The following RAD51B variants were observed in gnomAD, a reference collection of about 807,000 sequenced individuals.
RAD51B encodes DNA repair protein RAD51 homolog 2.
Under a neutral mutation model 42.2 loss-of-function variants are expected in RAD51B, and 38 were observed. The observed-to-expected ratio is 0.90, with a 90% CI of 0.70 to 1.18. The LOEUF (loss-of-function observed/expected upper bound fraction) is 1.18, where lower values mean the gene tolerates loss of function less well. Ranked by LOEUF, RAD51B falls within the 50% of genes most tolerant of loss-of-function variation. The pLI is 0.00. For synonymous variants in RAD51B, 154 were observed against 145.2 expected (o/e 1.06, Z -0.43); for missense variants, 373 against 400.7 (o/e 0.93, Z 0.59).
At chr14:68,040,704 A>T (rs2076204832) in intron 7 of RAD51B, among the ~76,000 whole-genome samples, 1 of 152,218 alleles carries the variant, frequency 6.6e-6, no homozygotes, top group Admixed American at 6.5e-5. Context: ...TGTCCAGGTC[A>T]TGAGGCAAGC....
intron 9 of RAD51B, among the ~76,000 whole-genome samples, chr14:68,452,230 A>G (rs1484931912): frequency 6.6e-6 from 1 of 152,188 alleles, no homozygotes; most frequent in African/African-American, 2.4e-5. Flanking sequence ...GAGAAAGGGA[A>G]TGGATTTCTG....
At chr14:68,113,877 A>G (rs894823746) in intron 7 of RAD51B, 1 of 152,038 alleles carries the variant, frequency 6.6e-6, no homozygotes, top group African/African-American at 2.4e-5. Context: ...GAATTTAGTA[A>G]CGTAGTTGAA....
At chr14:68,138,875 T>C (rs2078064715) in intron 7 of RAD51B, among the ~76,000 whole-genome samples, 1 of 152,180 alleles carries the variant, frequency 6.6e-6, no homozygotes, top group African/African-American at 2.4e-5. Context: ...TGAGAATGGT[T>C]CTTTTAGTAT....
intron 10 of RAD51B, among the ~76,000 whole-genome samples, chr14:68,648,018 T>TATATATATATATATATATATAC (rs1255738507): frequency 1.1e-5 from 1 of 91,218 alleles, no homozygotes; most frequent in African/African-American, 4.5e-5. Flanking sequence ...TATATATATA[T>TATATATATATATATATATATAC]ATACGTATAT....
intron 8 of RAD51B, among the ~76,000 whole-genome samples, chr14:68,364,147 C>G (rs572866385): frequency 4.0e-4 from 61 of 152,338 alleles, no homozygotes; most frequent in Non-Finnish European, 2.8e-4. Context: ...TCCCTGCTCT[C>G]CGATTGCCCC....
At chr14:68,594,629 A>G (rs1890912573) in exon 11 of RAD51B, 7 of 1,282,644 alleles carry the variant, frequency 5.5e-6, no homozygotes, top group Admixed American at 2.3e-5. Flanking sequence ...GGGTCTCATT[A>G]TGTTGCCCAA....
chr14:68,597,265 T>C (rs535879266), downstream of RAD51B, among the ~76,000 whole-genome samples: 1 of 152,188 alleles, frequency 6.6e-6, no homozygotes, highest in Non-Finnish European at 1.5e-5. Context: ...CCATACCCAG[T>C]GGGGAGTGGC....
At chr14:68,352,513 C>A (rs559847327) in intron 8 of RAD51B, among the ~76,000 whole-genome samples, 50 of 152,352 alleles carry the variant, frequency 3.3e-4, no homozygotes, top group African/African-American at 1.2e-3. Context: ...AAAAGAAACT[C>A]CTATTTTCCT....
chr14:67,875,362 C>T (rs1333758436), intron 5 of RAD51B, among the ~76,000 whole-genome samples: 1 of 152,164 alleles, frequency 6.6e-6, no homozygotes, highest in African/African-American at 2.4e-5. Context: ...CATGTCACCT[C>T]TCAGGGTGCC....
intron 9 of RAD51B, among the ~76,000 whole-genome samples, chr14:68,467,624 C>T (rs1438168444): frequency 6.6e-6 from 1 of 152,250 alleles, no homozygotes; most frequent in South Asian, 2.1e-4. Flanking sequence ...GTCATATGCC[C>T]AAACCCACAA....
At chr14:68,022,389 A>T (rs1484927227) in intron 7 of RAD51B, among the ~76,000 whole-genome samples, 1 of 152,164 alleles carries the variant, frequency 6.6e-6, no homozygotes, top group Non-Finnish European at 1.5e-5. Flanking sequence ...CCTGGTGATG[A>T]ACATATGAGT....
chr14:67,862,854 T>C (rs1178462643), intron 4 of RAD51B, among the ~76,000 whole-genome samples: 1 of 152,102 alleles, frequency 6.6e-6, no homozygotes, highest in African/African-American at 2.4e-5. Flanking sequence ...AAAATGATTT[T>C]TAATGTTTAT....
intron 7 of RAD51B, among the ~76,000 whole-genome samples, chr14:68,117,709 T>C (rs1566657986): frequency 1.3e-5 from 2 of 152,210 alleles, no homozygotes; most frequent in African/African-American, 4.8e-5. Context: ...ACTTACTGAG[T>C]GCCCAGAAAT....
chr14:67,827,365 A>G (rs896247620), intron 3 of RAD51B, among the ~76,000 whole-genome samples: 1 of 152,162 alleles, frequency 6.6e-6, no homozygotes, highest in Non-Finnish European at 1.5e-5. Context: ...ATCTTAATAC[A>G]ATTCCAAATA....
intron 9 of RAD51B, among the ~76,000 whole-genome samples, chr14:68,434,789 C>T (rs182608702): frequency 1.2e-4 from 19 of 152,266 alleles, no homozygotes; most frequent in African/African-American, 1.7e-4. Context: ...GAGATGAACC[C>T]GGTACCTGAG....
intron 7 of RAD51B, among the ~76,000 whole-genome samples, chr14:68,135,431 A>G (rs762145538): frequency 2.0e-5 from 3 of 152,096 alleles, no homozygotes; most frequent in East Asian, 1.9e-4. Flanking sequence ...TTGGCAGCCC[A>G]TTTGTTCATT....
intron 7 of RAD51B, among the ~76,000 whole-genome samples, chr14:68,152,744 T>C (rs2588824): frequency 0.8 from 120,240 of 150,830 alleles, 48,381 homozygotes; most frequent in East Asian, 0.98. Context: ...TTTTAGCTCC[T>C]CCCTCCTCCC....
chr14:68,308,161 C>A (rs1291371741), intron 8 of RAD51B, among the ~76,000 whole-genome samples: 2 of 152,138 alleles, frequency 1.3e-5, no homozygotes, highest in Non-Finnish European at 2.9e-5. Context: ...ACATAACTCC[C>A]AACTTGAGTA....
chr14:68,542,375 A>G (rs1888013516), intron 10 of RAD51B, among the ~76,000 whole-genome samples: 1 of 152,208 alleles, frequency 6.6e-6, no homozygotes, highest in African/African-American at 2.4e-5. Flanking sequence ...TTGTGCTTAT[A>G]CTACTAATAT....
Sources: gnomAD v4.1 joint callset for allele counts (sites outside exome capture counted in the v4.1 genomes callset) on GRCh38, gnomAD v4.1.1 for gene constraint, MANE v1.5 for transcripts, NCBI Gene and HGNC (gene_info 2026-07-23, HGNC 2026-07-21) for gene names.